OGFOD3: variants seen among roughly 807,000 people sequenced by gnomAD.
OGFOD3 encodes 2-oxoglutarate and iron dependent oxygenase domain containing 3.
A neutral mutation model predicts 39.8 loss-of-function variants in OGFOD3; 35 were observed. The observed-to-expected ratio is 0.88, with a 90% CI of 0.67 to 1.17. The LOEUF (loss-of-function observed/expected upper bound fraction) is 1.17, where lower values mean the gene tolerates loss of function less well. OGFOD3 is among the 50% of genes most tolerant of loss of function. The pLI is 0.00. For synonymous variants in OGFOD3, 200 were observed against 192.0 expected (o/e 1.04, Z -0.34); for missense variants, 438 against 454.5 (o/e 0.96, Z 0.33).
At chr17:82,412,591 G>A (rs923051776) in intron 2 of OGFOD3, among the ~76,000 whole-genome samples, 6 of 151,382 alleles carry the variant, frequency 4.0e-5, no homozygotes, top group Non-Finnish European at 5.9e-5. Flanking sequence ...CAGGGGCAGG[G>A]TGGTCAGACA....
chr17:82,418,351 C>A, intron 1 of OGFOD3, 61 bp downstream of exon 1: 1 of 1,085,268 alleles, frequency 9.2e-7, no homozygotes, highest in Non-Finnish European at 1.3e-6. Flanking sequence ...AGCCCCAGTC[C>A]CGCCCACTCC....
intron 3 of OGFOD3, 123 bp from the exon 4 acceptor site, chr17:82,409,533 T>A: frequency 1.2e-6 from 1 of 861,364 alleles, no homozygotes; most frequent in South Asian, 1.5e-5. Flanking sequence ...ATGTTTATGA[T>A]GTAAACAAAT....
chr17:82,398,485 C>T (rs761314366), intron 7 of OGFOD3, among the ~76,000 whole-genome samples, 166 bp from the exon 8 acceptor site: 3 of 152,124 alleles, frequency 2.0e-5, no homozygotes, highest in Non-Finnish European at 2.9e-5. Context: ...CTGCAATCTC[C>T]GCCTCCCAGG....
intron 1 of OGFOD3, among the ~76,000 whole-genome samples, chr17:82,416,627 T>G (rs1372432411): frequency 6.6e-6 from 1 of 152,220 alleles, no homozygotes. Context: ...GAGACTCATT[T>G]AAGGCATATT....
At position 82,398,311 on chromosome 17, in the gene OGFOD3, G is replaced by A. The variant is rs4789767; in HGVS notation, c.708C>T (p.Tyr236=). The change falls in exon 8 of 9, where the codon TAC becomes TAT. Residue 236 remains tyrosine (Y), a synonymous_variant. Coordinates refer to ENST00000313056, the MANE Select transcript of OGFOD3 (RefSeq NM_024648.3). ...GCAGCGAGGTGTAGTCGAAGGAGCCGTAGGTCACCTGAGGGCAGAGCCGGG... is the reference window on the plus strand; with the variant it reads ...GCAGCGAGGTGTAGTCGAAGGAGCCATAGGTCACCTGAGGGCAGAGCCGGG... The part of the protein sequence containing the change: ...YWHAHVDKVT[Y]GSFDYTSLLY... 87,536 of 1,613,980 alleles carry A rather than the reference G, an allele frequency of 0.054. 2,788 individuals are homozygous for A. The highest frequency in any genetic ancestry group is 0.064 in the Non-Finnish European group (75,214 of 1,179,912).
Position 82,392,265 on chromosome 17 carries a change from GT to G in OGFOD3, c.*132del. ...TACTCACAGATGAAAAGATTAACAC[GT>G]CAGCAAATCAAAATCAGAGAATTCC... is the stretch of plus-strand genomic sequence containing the variant. On this transcript the variant is annotated 3_prime_UTR_variant, in exon 9 of 9. Transcript: ENST00000313056. This position sits in a 1 kb window ranked among gnomAD's most constrained non-coding sequence, Gnocchi z 4.2. 3 of 978,496 alleles carry G rather than the reference GT, an allele frequency of 3.1e-6. No individual in the cohort carries two copies. Among genetic ancestry groups the G allele is most frequent in the Non-Finnish European group, 4.5e-6 (3 of 670,692 alleles). The allele number at this position is 978,496 out of a possible 1,614,324, so 60.6% of individuals were successfully genotyped here.
chr17:82,412,435 G>GTCGT (rs2052964897), intron 2 of OGFOD3, among the ~76,000 whole-genome samples: 1 of 125,718 alleles, frequency 8.0e-6, no homozygotes, highest in Non-Finnish European at 1.7e-5. Flanking sequence ...CAGGGGCATG[G>GTCGT]TTATCGGGGC....
intron 4 of OGFOD3, among the ~76,000 whole-genome samples, chr17:82,407,109 G>C (rs1567871917): frequency 6.6e-6 from 1 of 152,000 alleles, no homozygotes. Flanking sequence ...AGCTGTAGCT[G>C]GGACACCTAC....
chr17:82,414,870 G>C (rs1235583110), intron 2 of OGFOD3, among the ~76,000 whole-genome samples: 5 of 152,312 alleles, frequency 3.3e-5, no homozygotes, highest in East Asian at 3.9e-4. Flanking sequence ...TGCGGTGGCC[G>C]GCCCGGTCAG....
At chr17:82,412,386 A>G (rs1191112792) in intron 2 of OGFOD3, among the ~76,000 whole-genome samples, 8 of 53,180 alleles carry the variant, frequency 1.5e-4, no homozygotes, top group African/African-American at 5.1e-4. Flanking sequence ...TTATCGGGGC[A>G]GGGGCATGGT....
chr17:82,394,683 C>A, intron 8 of OGFOD3: 1 of 595,090 alleles, frequency 1.7e-6, no homozygotes, highest in Non-Finnish European at 2.9e-6. Flanking sequence ...GAACATCCTG[C>A]CTGATAGGAG....
intron 4 of OGFOD3, among the ~76,000 whole-genome samples, chr17:82,408,459 A>G (rs2052890726): frequency 6.6e-6 from 1 of 152,226 alleles, no homozygotes; most frequent in South Asian, 2.1e-4. Flanking sequence ...ACTGCCCAAC[A>G]GGAGGGCGAG....
rs768794006 is a variant in OGFOD3 at position 82,398,253 on chromosome 17, C to T, written c.766G>A (p.Gly256Arg). ...TCCTCCATGAACATGAACCGCCCTC[C>T]GCCGAAGTCCTCCAGGTAGTTGGAG... Reference protein sequence around the residue: ...YLSNYLEDFGGGRFMFMEEGA... With the variant: ...YLSNYLEDFGRGRFMFMEEGA... Residue 256 changes from glycine to arginine, a missense_variant, in exon 8 of 9, where the codon GGA becomes AGA. By Grantham distance (125) the Gly-to-Arg change is moderately radical. Transcript: ENST00000313056. 1.7e-5 allele frequency: 27 copies of T among 1,614,062 alleles called. No individual in the cohort carries two copies. Among genetic ancestry groups the T allele is most frequent in the South Asian group, 7.7e-5 (7 of 91,090 alleles).
At chr17:82,393,989 CT>C (rs1300659779) in intron 8 of OGFOD3, 1,737 of 127,390 alleles carry the variant, frequency 0.014, 28 homozygotes, top group African/African-American at 0.038. Context: ...CAGAAAAGGA[CT>C]TTTTTTTTTT....
intron 7 of OGFOD3, among the ~76,000 whole-genome samples, chr17:82,403,518 G>C (rs754668952): frequency 6.6e-6 from 1 of 152,156 alleles, no homozygotes; most frequent in Non-Finnish European, 1.5e-5. Context: ...TGTAGTCCCA[G>C]CTACTCGGGA....
chr17:82,394,796 G>T (rs1008546434), intron 8 of OGFOD3, among the ~76,000 whole-genome samples: 2 of 152,186 alleles, frequency 1.3e-5, no homozygotes, highest in African/African-American at 4.8e-5. Context: ...AGCATCCAGA[G>T]GGGCTGGGGA....
chr17:82,407,824 C>A (rs748438417), intron 4 of OGFOD3, among the ~76,000 whole-genome samples: 2 of 152,212 alleles, frequency 1.3e-5, no homozygotes, highest in Non-Finnish European at 2.9e-5. Context: ...AGCCCCCGAA[C>A]TGAACCAAAC....
intron 8 of OGFOD3, chr17:82,393,151 A>G (rs1283500039): frequency 2.0e-5 from 3 of 152,444 alleles, no homozygotes; most frequent in African/African-American, 7.2e-5. Flanking sequence ...TTCACATTGA[A>G]GTGGCGCTGC....
At chr17:82,411,828 C>A (rs1216773246) in intron 2 of OGFOD3, 1 of 415,738 alleles carries the variant, frequency 2.4e-6, no homozygotes, top group Admixed American at 4.3e-5. Context: ...CATTCCTGAA[C>A]CATCACTGAC....
Sources: allele counts gnomAD v4.1 joint callset (sites outside exome capture counted in the v4.1 genomes callset), GRCh38; gene constraint gnomAD v4.1.1; non-coding constraint Gnocchi (gnomAD v3.1); transcripts MANE v1.5; gene names NCBI Gene and HGNC (gene_info 2026-07-23, HGNC 2026-07-21).